Variants in PRKAR1A observed in about 807,000 individuals in gnomAD.
PRKAR1A encodes the protein protein kinase cAMP-dependent type I regulatory subunit alpha, also known as cAMP-dependent protein kinase type I-alpha regulatory subunit.
A neutral mutation model predicts 52.0 loss-of-function variants in PRKAR1A; 3 were observed. The ratio of observed to expected loss-of-function variants is 0.06; its 90% CI spans 0.03 to 0.15. The LOEUF (loss-of-function observed/expected upper bound fraction) is 0.15, where lower values mean the gene tolerates loss of function less well. Ranked by LOEUF, PRKAR1A falls within the 10% of genes least tolerant of loss-of-function variation. The pLI is 1.00. For missense variants in PRKAR1A, 240 were observed against 477.4 expected, an observed-to-expected ratio of 0.50 and a Z score of 4.63; for synonymous variants, 188 against 168.4, an observed-to-expected ratio of 1.12 and a Z score of -0.90.
the PRKAR1A span, among the ~76,000 whole-genome samples, chr17:68,499,712 G>T: frequency 1.3e-5 from 2 of 152,220 alleles, no homozygotes; most frequent in Non-Finnish European, 2.9e-5. Flanking sequence ...TGCTTGTGTT[G>T]GTCCTCTAGA....
intron 1 of PRKAR1A, 171 bp from the exon 2 acceptor site, chr17:68,515,223 C>T: frequency 1.5e-6 from 1 of 674,408 alleles, no homozygotes; most frequent in Non-Finnish European, 2.6e-6. Context: ...TGGAATAATG[C>T]TAATTCTGTA....
the PRKAR1A span, chr17:68,426,254 G>GGGCCGCGCCCCCCCCCCCCC: frequency 1.2e-6 from 1 of 816,924 alleles, no homozygotes; most frequent in Non-Finnish European, 1.9e-6. Flanking sequence ...GGGAGCGGGG[G>GGGCCGCGCCCCCCCCCCCCC]CTCAAATAAA....
At chr17:68,492,987 C>A in the PRKAR1A span, among the ~76,000 whole-genome samples, 1 of 152,110 alleles carries the variant, frequency 6.6e-6, no homozygotes, top group African/African-American at 2.4e-5. Flanking sequence ...GTGCATGTAT[C>A]TTTATGACAG....
At chr17:68,470,551 A>G in the PRKAR1A span, among the ~76,000 whole-genome samples, 1 of 152,230 alleles carries the variant, frequency 6.6e-6, no homozygotes, top group Non-Finnish European at 1.5e-5. Flanking sequence ...TTTCTCTTCG[A>G]TATCCTTTGC....
At chr17:68,547,157 T>C (rs1337417641) in intron 11 of PRKAR1A, among the ~76,000 whole-genome samples, 2 of 152,186 alleles carry the variant, frequency 1.3e-5, no homozygotes, top group Non-Finnish European at 2.9e-5. Flanking sequence ...GCATCACTCT[T>C]GAGGGCCTGA....
the PRKAR1A span, among the ~76,000 whole-genome samples, chr17:68,483,565 A>G: frequency 6.6e-6 from 1 of 152,276 alleles, no homozygotes; most frequent in South Asian, 2.1e-4. Flanking sequence ...CATCCTTGTT[A>G]AAAATCAATT....
At chr17:68,437,012 A>ATGTGTG in the PRKAR1A span, among the ~76,000 whole-genome samples, 11 of 82,074 alleles carry the variant, frequency 1.3e-4, no homozygotes, top group African/African-American at 5.3e-4. Context: ...AAAAATATAT[A>ATGTGTG]TATATGTGTG....
upstream of PRKAR1A, among the ~76,000 whole-genome samples, chr17:68,507,101 C>T (rs2085208420): frequency 6.6e-6 from 1 of 152,214 alleles, no homozygotes; most frequent in South Asian, 2.1e-4. Context: ...GGTACATGAT[C>T]AGTACAGTGC....
the PRKAR1A span, among the ~76,000 whole-genome samples, chr17:68,438,802 T>C: frequency 1.3e-5 from 2 of 152,240 alleles, no homozygotes; most frequent in Admixed American, 6.5e-5. Context: ...GGTTTCACCA[T>C]GTTGGCCAGG....
At chr17:68,436,230 G>A in the PRKAR1A span, 1 of 688,306 alleles carries the variant, frequency 1.5e-6, no homozygotes, top group Non-Finnish European at 2.5e-6. Flanking sequence ...AAGCCCGAGG[G>A]GAAATAGTAT....
chr17:68,505,732 G>C, the PRKAR1A span, among the ~76,000 whole-genome samples: 1 of 152,090 alleles, frequency 6.6e-6, no homozygotes, highest in African/African-American at 2.4e-5. Context: ...AGACTGGCTT[G>C]AGCCCAGGAG....
rs531865123 is a variant in PRKAR1A at position 68,532,959 on chromosome 17, G to T, written c.*2510G>T. 1 of 1,065,620 alleles carries T rather than the reference G, an allele frequency of 9.4e-7. No individual in the cohort carries two copies. Among genetic ancestry groups the T allele is most frequent in the African/African-American group, 1.6e-5 (1 of 61,050 alleles). 66.0% of individuals were successfully genotyped at this position (1,065,620 alleles called of 1,614,324 possible). A position where few individuals can be genotyped will look rare whatever the true frequency, so the allele number is the denominator to read the frequency against. ...TGGATCTCAAAATCTTGCTTAAAGG[G>T]TAATTGAGATGTAGCAGATTTATTT... On this transcript the variant is annotated 3_prime_UTR_variant, in exon 11 of 11. Coordinates refer to ENST00000589228, the MANE Select transcript of PRKAR1A (RefSeq NM_002734.5).
the PRKAR1A span, among the ~76,000 whole-genome samples, chr17:68,464,691 AAAAAAAAC>A: frequency 5.1e-5 from 3 of 58,410 alleles, no homozygotes; most frequent in Non-Finnish European, 1.2e-4. Context: ...CTGTCTCAAA[AAAAAAAAC>A]AAAAAAAACA....
At chr17:68,523,922 G>C in intron 4 of PRKAR1A, 94 bp from the exon 5 acceptor site, 1 of 1,580,896 alleles carries the variant, frequency 6.3e-7, no homozygotes. Flanking sequence ...TTGTTCACCA[G>C]ATGACAGTCT....
chr17:68,506,892 G>A (rs1163305603), upstream of PRKAR1A, among the ~76,000 whole-genome samples: 1 of 152,090 alleles, frequency 6.6e-6, no homozygotes, highest in Non-Finnish European at 1.5e-5. Flanking sequence ...ATTTTATAAG[G>A]GATTCTAAAC....
At chr17:68,543,536 C>A (rs2086406998) in intron 11 of PRKAR1A, 15 of 1,101,150 alleles carry the variant, frequency 1.4e-5, no homozygotes, top group Non-Finnish European at 2.1e-5. Flanking sequence ...GGAAGAAATG[C>A]CAGGGAGTTC....
the PRKAR1A span, among the ~76,000 whole-genome samples, chr17:68,417,034 G>A: frequency 6.6e-6 from 1 of 152,138 alleles, no homozygotes; most frequent in South Asian, 2.1e-4. Context: ...TTTTTGGGGA[G>A]TGTCAAAGAG....
intron 11 of PRKAR1A, chr17:68,539,209 A>T: frequency 2.4e-6 from 2 of 816,752 alleles, no homozygotes; most frequent in South Asian, 2.9e-5. Context: ...AAATAAGGTG[A>T]TTCATGTCAT....
the PRKAR1A span, among the ~76,000 whole-genome samples, chr17:68,443,661 T>C: frequency 6.6e-6 from 1 of 152,206 alleles, no homozygotes; most frequent in Non-Finnish European, 1.5e-5. Flanking sequence ...GGCACCCAGA[T>C]AGATCTTGAA....
Sources: gnomAD v4.1 joint callset for allele counts (sites outside exome capture counted in the v4.1 genomes callset) on GRCh38, gnomAD v4.1.1 for gene constraint, MANE v1.5 for transcripts, NCBI Gene and HGNC (gene_info 2026-07-23, HGNC 2026-07-21) for gene names.